COL4A3: variants seen among roughly 807,000 people sequenced by gnomAD.
The protein encoded by COL4A3 is collagen type IV alpha 3 chain.
In COL4A3, 135 loss-of-function variants were observed where a neutral mutation model predicts 217.4. That is an observed-to-expected ratio of 0.62 (90% CI 0.54 to 0.72). The LOEUF is 0.72. Among genes scored for constraint, COL4A3 ranks in the 30% least tolerant of loss-of-function variants. COL4A3 has a pLI of 0.00. For missense variants in COL4A3, 1,868 were observed against 2,119.9 expected, an observed-to-expected ratio of 0.88 and a Z score of 2.33; for synonymous variants, 690 against 736.3, an observed-to-expected ratio of 0.94 and a Z score of 1.02.
intron 42 of COL4A3, 143 bp downstream of exon 42, chr2:227,298,002 C>G (rs2073106456): frequency 4.2e-6 from 4 of 963,040 alleles, no homozygotes; most frequent in Non-Finnish European, 6.5e-6. Context: ...GGTTCCCATA[C>G]CCAGCAGTTG....
chr2:227,213,378 C>A (rs994713244), intron 1 of COL4A3, among the ~76,000 whole-genome samples: 1 of 152,028 alleles, frequency 6.6e-6, no homozygotes, highest in African/African-American at 2.4e-5. Flanking sequence ...GAGTAAATAT[C>A]TTAGGTTTTG....
chr2:227,282,566 T>C lies in COL4A3; in HGVS notation c.2656+34T>C, dbSNP rs777951649. The C allele has an allele frequency of 1.9e-6, 3 of 1,598,508 alleles. No individual in the cohort carries two copies. The South Asian group carries it at 3.3e-5, about 18-fold the overall frequency. ...TTGTGTGTTTCTATTTTTCTTCTTA[T>C]TTCTTCTTCTTCTTAAGGTGGCTCT... On this transcript the variant is annotated intron_variant, in intron 32 of 51. Coordinates refer to ENST00000396578, the MANE Select transcript of COL4A3 (RefSeq NM_000091.5). The surrounding 1 kb of genome is among the most constrained non-coding windows in gnomAD (Gnocchi z 4.4).
At chr2:227,252,091 A>C (rs993058343) in intron 11 of COL4A3, among the ~76,000 whole-genome samples, 10 of 150,070 alleles carry the variant, frequency 6.7e-5, no homozygotes, top group African/African-American at 7.4e-5. Context: ...AAAAAAAAAA[A>C]CAGAAGTGCA....
At chr2:227,231,679 T>A (rs2068413996) in intron 1 of COL4A3, among the ~76,000 whole-genome samples, 1 of 152,066 alleles carries the variant, frequency 6.6e-6, no homozygotes, top group Non-Finnish European at 1.5e-5. Context: ...CACCACCATG[T>A]CCAGCTAAAT....
rs574443391 is a variant in COL4A3 at position 227,295,041 on chromosome 2, G to A, written c.3496G>A (p.Ala1166Thr). The change falls in exon 40 of 52, where the codon GCC becomes ACC. Residue 1166 changes from alanine to threonine, a missense_variant. This residue lies in a region of COL4A3 where 1,503 missense variants were observed against 1,786.1 expected (regional missense o/e 0.84). Coordinates refer to ENST00000396578, the MANE Select transcript of COL4A3 (RefSeq NM_000091.5). Reference protein sequence around the residue: ...DQGRDGIPGPAGEKGETGLLR... With the variant: ...DQGRDGIPGPTGEKGETGLLR... ...AGGACGTGATGGAATTCCTGGTCCA[G>A]CCGGAGAAAAGGGAGAAACGGGTAC... The A allele has an allele frequency of 6.2e-7, 1 of 1,613,528 alleles. No individual in the cohort carries two copies. The highest frequency in any genetic ancestry group is 8.5e-7 in the Non-Finnish European group (1 of 1,179,836).
At chr2:227,193,484 T>C (rs11676721) in intron 1 of COL4A3, among the ~76,000 whole-genome samples, 125,726 of 152,106 alleles carry the variant, frequency 0.83, 52,092 homozygotes, top group East Asian at 0.91. Context: ...GAGGCCGAGG[T>C]GGGCGGATCA....
chr2:227,304,361 C>T (rs1045570032), intron 46 of COL4A3: 1 of 583,608 alleles, frequency 1.7e-6, no homozygotes, highest in African/African-American at 1.9e-5. Flanking sequence ...ATAACTTGAA[C>T]AAATACACTT....
At chr2:227,206,861 A>G (rs2067121506) in intron 1 of COL4A3, among the ~76,000 whole-genome samples, 1 of 152,094 alleles carries the variant, frequency 6.6e-6, no homozygotes, top group East Asian at 1.9e-4. Flanking sequence ...TCATCACCCC[A>G]TTTTCTAGAT....
At chr2:227,292,537 G>C (rs1408019118) in intron 37 of COL4A3, among the ~76,000 whole-genome samples, 1 of 152,192 alleles carries the variant, frequency 6.6e-6, no homozygotes, top group Non-Finnish European at 1.5e-5. Flanking sequence ...TAACAGAGTA[G>C]TATATTTTAA....
chr2:227,250,745 G>A lies in COL4A3; in HGVS notation c.547-395G>A, dbSNP rs1360416779. ...GCATAAAGACAAGAAAAGGAAAAGG[G>A]AGTGAGTTATACTGATACCTGGGAA... On this transcript the variant is annotated intron_variant, in intron 9 of 51. Coordinates refer to ENST00000396578, the MANE Select transcript of COL4A3 (RefSeq NM_000091.5). This position sits in a 1 kb window ranked among gnomAD's most constrained non-coding sequence, Gnocchi z 4.1. Among the ~76,000 whole-genome samples the A allele has an allele frequency of 6.6e-6, 1 of 152,186 alleles. No homozygotes were observed. Among genetic ancestry groups the A allele is most frequent in the Non-Finnish European group, 1.5e-5 (1 of 68,038 alleles).
intron 32 of COL4A3, 147 bp from the exon 33 acceptor site, chr2:227,283,620 A>T: frequency 1.5e-6 from 1 of 689,500 alleles, no homozygotes; most frequent in Middle Eastern, 3.1e-4. Flanking sequence ...CATCTCCTAG[A>T]CTAATACAGT....
intron 1 of COL4A3, among the ~76,000 whole-genome samples, chr2:227,205,364 A>G (rs1190504305): frequency 6.6e-6 from 1 of 152,192 alleles, no homozygotes; most frequent in African/African-American, 2.4e-5. Context: ...ATAAAGATCA[A>G]TAATAATATA....
intron 28 of COL4A3, 105 bp downstream of exon 28, chr2:227,277,658 A>T: frequency 1.4e-6 from 1 of 708,188 alleles, no homozygotes; most frequent in East Asian, 2.7e-5. Context: ...TATAAATAGG[A>T]TATAAGATAT....
At chr2:227,302,916 C>T in intron 43 of COL4A3, 122 bp from the exon 44 acceptor site, 1 of 695,000 alleles carries the variant, frequency 1.4e-6, no homozygotes, top group Non-Finnish European at 2.6e-6. Flanking sequence ...ATGATGTCTG[C>T]TAACTTCAGC....
Position 227,298,790 on chromosome 2 carries a change from A to T in COL4A3, c.3860A>T (p.Asp1287Val). 1 of 1,613,976 alleles carries T rather than the reference A, an allele frequency of 6.2e-7. No homozygotes were observed. Among genetic ancestry groups the T allele is most frequent in the Non-Finnish European group, 8.5e-7 (1 of 1,179,976 alleles). ...AAAGGTCCACCTGGAACTGCAGGAG[A>T]CATGGGACCACCAGGTCGTCTGGTG... ...GPKGPPGTAG[D>V]MGPPGRLGAP... The change falls in exon 43 of 52, where the codon GAC (aspartate) becomes GTC (valine). Residue 1287 changes from aspartate (D) to valine (V), a missense_variant. Transcript: ENST00000396578.
chr2:227,240,098 T>C (rs372347040), intron 2 of COL4A3, 45 bp from the exon 3 acceptor site: 7 of 1,426,520 alleles, frequency 4.9e-6, no homozygotes, highest in Non-Finnish European at 5.8e-6. Flanking sequence ...TATTGTGGGA[T>C]AGTTGCTGCT....
intron 20 of COL4A3, among the ~76,000 whole-genome samples, chr2:227,262,106 A>T (rs2070615008): frequency 6.6e-6 from 1 of 151,154 alleles, no homozygotes; most frequent in Admixed American, 6.6e-5. Flanking sequence ...GCAGAACTAT[A>T]AGTATACTAT....
At position 227,290,810 on chromosome 2, in the gene COL4A3, G is replaced by T. The variant is rs2072649241; in HGVS notation, c.3134G>T (p.Gly1045Val). The change falls in exon 37 of 52, where the codon GGT (glycine) becomes GTT (valine). Residue 1045 changes from glycine to valine, a missense_variant. By Grantham distance (109) the Gly-to-Val change is moderately radical. Transcript: ENST00000396578. ...PGRAGRPGLP[G>V]IHGLQGDKGE... ...CGAGCAGGAAGACCAGGCCTCCCAG[G>T]TATTCATGGTCTCCAGGGAGATAAG... 1 of 1,613,768 alleles carries T rather than the reference G, an allele frequency of 6.2e-7. No homozygotes were observed.
chr2:227,271,957 C>A (rs2071268144), intron 25 of COL4A3, among the ~76,000 whole-genome samples: 1 of 152,172 alleles, frequency 6.6e-6, no homozygotes, highest in Admixed American at 6.5e-5. Context: ...ACTTGGTAAA[C>A]AAATTTAAAG....
Sources: gnomAD v4.1 joint callset for allele counts (sites outside exome capture counted in the v4.1 genomes callset) on GRCh38, gnomAD v4.1.1 for gene constraint, gnomAD v4.1.1 regional missense constraint, Gnocchi (gnomAD v3.1) non-coding constraint, MANE v1.5 for transcripts, NCBI Gene and HGNC (gene_info 2026-07-23, HGNC 2026-07-21) for gene names.